The following CDH13 variants were observed in gnomAD, a reference collection of about 807,000 sequenced individuals.
CDH13 encodes the protein cadherin-13.
CDH13 carries 24 observed loss-of-function variants against 63.8 expected under a neutral mutation model. The ratio of observed to expected loss-of-function variants is 0.38; its 90% CI spans 0.27 to 0.53. The LOEUF (loss-of-function observed/expected upper bound fraction) is 0.53. CDH13 is among the 20% of genes least tolerant of loss of function. The pLI is 0.85. For missense variants in CDH13, 1,049 were observed against 903.1 expected, an observed-to-expected ratio of 1.16 and a Z score of -2.07; for synonymous variants, 503 against 355.3, an observed-to-expected ratio of 1.42 and a Z score of -4.67.
chr16:83,501,049 A>C (rs2074273092), intron 7 of CDH13, among the ~76,000 whole-genome samples: 1 of 152,186 alleles, frequency 6.6e-6, no homozygotes, highest in Non-Finnish European at 1.5e-5. Flanking sequence ...TGAAATAATA[A>C]GCATTCTTAT....
At chr16:82,668,207 G>C (rs1462557448) in intron 1 of CDH13, among the ~76,000 whole-genome samples, 1 of 152,034 alleles carries the variant, frequency 6.6e-6, no homozygotes, top group African/African-American at 2.4e-5. Context: ...ACCAAACCCT[G>C]GCACCTAAGA....
intron 3 of CDH13, among the ~76,000 whole-genome samples, chr16:83,083,733 C>T (rs376504449): frequency 6.4e-4 from 97 of 152,312 alleles, no homozygotes; most frequent in African/African-American, 2.2e-3. Flanking sequence ...AATTTCCACT[C>T]CCTCAAAGCT....
chr16:83,219,669 C>G (rs2039638944), intron 5 of CDH13, among the ~76,000 whole-genome samples: 1 of 152,190 alleles, frequency 6.6e-6, no homozygotes, highest in Non-Finnish European at 1.5e-5. Context: ...CCAGCACAAA[C>G]TTTCCTTGAG....
chr16:82,739,970 T>C (rs910642489), intron 1 of CDH13, among the ~76,000 whole-genome samples: 1 of 152,314 alleles, frequency 6.6e-6, no homozygotes, highest in South Asian at 2.1e-4. Flanking sequence ...CAAAACTAAT[T>C]ATCCCTTAAT....
intron 2 of CDH13, among the ~76,000 whole-genome samples, chr16:82,920,692 C>G (rs893042210): frequency 2.6e-5 from 4 of 152,198 alleles, no homozygotes; most frequent in Non-Finnish European, 4.4e-5. Context: ...CTTATATTCT[C>G]TCTCACACAC....
chr16:83,303,068 T>C (rs1290586276), intron 5 of CDH13, among the ~76,000 whole-genome samples: 1 of 152,192 alleles, frequency 6.6e-6, no homozygotes, highest in Non-Finnish European at 1.5e-5. Flanking sequence ...GCCCACATGA[T>C]GGCATCAGAG....
At chr16:83,720,602 G>C (rs1335827378) in intron 10 of CDH13, among the ~76,000 whole-genome samples, 2 of 152,030 alleles carry the variant, frequency 1.3e-5, no homozygotes, top group Non-Finnish European at 2.9e-5. Context: ...AAGACACAAG[G>C]GGAGCCCAGA....
chr16:82,645,159 C>T (rs77990703), intron 1 of CDH13, among the ~76,000 whole-genome samples: 1,574 of 152,204 alleles, frequency 0.01, 17 homozygotes, highest in African/African-American at 0.036. Flanking sequence ...TCTCAGAGTA[C>T]GGGCTTCGAC....
chr16:82,885,637 A>T (rs976788051), intron 2 of CDH13, among the ~76,000 whole-genome samples: 6 of 151,984 alleles, frequency 3.9e-5, no homozygotes, highest in Non-Finnish European at 8.8e-5. Context: ...ATATTCTTTA[A>T]TCTATCCATC....
intron 4 of CDH13, among the ~76,000 whole-genome samples, chr16:83,164,607 C>G (rs76014747): frequency 0.051 from 7,689 of 151,862 alleles, 300 homozygotes; most frequent in African/African-American, 0.074. Context: ...GCAATCCCAG[C>G]TACTCAGGAG....
intron 1 of CDH13, among the ~76,000 whole-genome samples, chr16:82,744,496 C>T (rs969173821): frequency 6.6e-6 from 1 of 152,116 alleles, no homozygotes; most frequent in Non-Finnish European, 1.5e-5. Flanking sequence ...GTTAATGTAT[C>T]TATACGTCTT....
At chr16:83,530,056 G>A (rs1249051765) in intron 7 of CDH13, among the ~76,000 whole-genome samples, 1 of 152,150 alleles carries the variant, frequency 6.6e-6, no homozygotes, top group Non-Finnish European at 1.5e-5. Context: ...CATGAAGCAT[G>A]TTCTCTGAAG....
rs370216870 is a variant in CDH13, at chr16:82,906,239, A to G, written c.157+47766A>G. On this transcript the variant is annotated intron_variant, in intron 2 of 13. Coordinates refer to ENST00000567109, the MANE Select transcript of CDH13 (RefSeq NM_001257.5). ...TTCAGATGTTCAGGAGCCCTTTACT[A>G]GAAGGTTGATAGATTAATAATCTCC... Among the ~76,000 whole-genome samples, 40 of 152,294 alleles carry G rather than the reference A, an allele frequency of 2.6e-4. No individual in the cohort carries two copies. In the East Asian group the frequency reaches 7.0e-3, roughly 26 times the overall value.
In CDH13 at chr16:83,797,709, T is replaced by G. The variant is rs2151026060; in HGVS notation, c.*2679T>G. On this transcript the variant is annotated 3_prime_UTR_variant, in exon 14 of 14. Transcript: ENST00000567109. Reference sequence around the variant, plus strand: ...GAGTCCAACTTATTAAAAAACGAAGTCAAGTAAGGACCAGAAATTGCTTTT... The same window carrying G: ...GAGTCCAACTTATTAAAAAACGAAGGCAAGTAAGGACCAGAAATTGCTTTT... 1 of 152,344 alleles carries G rather than the reference T, an allele frequency of 6.6e-6. No homozygotes were observed. Among genetic ancestry groups the G allele is most frequent in the African/African-American group, 2.4e-5 (1 of 41,580 alleles). 9.4% of individuals were successfully genotyped at this position (152,344 alleles called of 1,614,324 possible). A position where few individuals can be genotyped will look rare whatever the true frequency, so the allele number is the denominator to read the frequency against.
rs554234970 is a variant in CDH13 at position 82,769,084 on chromosome 16, T to C, written c.46-89278T>C. Reference sequence around the variant, plus strand: ...TGGTTAGGTATAATCTTCTGTGAGGTCATCATGTTGTCTTCGATGAGTCTA... The same window carrying C: ...TGGTTAGGTATAATCTTCTGTGAGGCCATCATGTTGTCTTCGATGAGTCTA... On this transcript the variant is annotated intron_variant, in intron 1 of 13. Coordinates refer to ENST00000567109, the MANE Select transcript of CDH13 (RefSeq NM_001257.5). 7.2e-5 allele frequency among the ~76,000 whole-genome samples: 11 copies of C among 152,300 alleles called. No individual in the cohort carries two copies. The East Asian group carries it at 1.7e-3, about 24-fold the overall frequency.
intron 5 of CDH13, among the ~76,000 whole-genome samples, chr16:83,249,017 C>G (rs1905232046): frequency 6.6e-6 from 1 of 152,210 alleles, no homozygotes; most frequent in African/African-American, 2.4e-5. Flanking sequence ...TTCTTATACT[C>G]AGGGACTGTA....
At chr16:83,654,402 G>A (rs574085731) in intron 8 of CDH13, among the ~76,000 whole-genome samples, 29 of 152,184 alleles carry the variant, frequency 1.9e-4, no homozygotes, top group Admixed American at 3.9e-4. Context: ...GAAAGACCCT[G>A]AAGCAAGTAA....
chr16:83,665,317 G>T (rs1386258568), intron 8 of CDH13, among the ~76,000 whole-genome samples: 1 of 152,172 alleles, frequency 6.6e-6, no homozygotes, highest in African/African-American at 2.4e-5. Flanking sequence ...AATTTCATAT[G>T]ATACAGGGCA....
intron 1 of CDH13, among the ~76,000 whole-genome samples, chr16:82,853,511 T>C (rs1409843668): frequency 3.9e-5 from 6 of 152,190 alleles, no homozygotes; most frequent in Admixed American, 2.0e-4. Flanking sequence ...ACGGGTGAGA[T>C]ACCATTACTC....
Sources: allele counts gnomAD v4.1 joint callset (sites outside exome capture counted in the v4.1 genomes callset), GRCh38; gene constraint gnomAD v4.1.1; transcripts MANE v1.5; gene names NCBI Gene and HGNC (gene_info 2026-07-23, HGNC 2026-07-21).